CCDC18: variants seen among roughly 807,000 people sequenced by gnomAD.
CCDC18 encodes the protein coiled-coil domain-containing protein 18.
A neutral mutation model predicts 196.0 loss-of-function variants in CCDC18; 157 were observed. The observed-to-expected ratio is 0.80, with a 90% CI of 0.70 to 0.91. The LOEUF is 0.91. Among genes scored for constraint, CCDC18 ranks in the 40% least tolerant of loss-of-function variants. The probability of loss-of-function intolerance (pLI) is 0.00; values close to 1 mark genes in which losing one functional copy is unlikely to be tolerated. For synonymous variants in CCDC18, 482 were observed against 529.2 expected (o/e 0.91, Z 1.22); for missense variants, 1,465 against 1,611.6 (o/e 0.91, Z 1.56).
intron 17 of CCDC18, among the ~76,000 whole-genome samples, chr1:93,229,285 A>T (rs928774061): frequency 6.6e-6 from 1 of 152,242 alleles, no homozygotes; most frequent in African/African-American, 2.4e-5. Flanking sequence ...CATCTGTCAC[A>T]TGTTCATGTG....
At chr1:93,214,672 C>A in intron 11 of CCDC18, 71 bp from the exon 12 acceptor site, 1 of 1,065,166 alleles carries the variant, frequency 9.4e-7, no homozygotes, top group Non-Finnish European at 1.4e-6. Flanking sequence ...ATGACTAAAT[C>A]TTTCAACTAT....
intron 24 of CCDC18, among the ~76,000 whole-genome samples, chr1:93,255,390 G>A (rs1486515792): frequency 6.6e-6 from 1 of 152,142 alleles, no homozygotes; most frequent in African/African-American, 2.4e-5. Flanking sequence ...TCATCAGTAT[G>A]CATGTGTGTT....
At chr1:93,229,371 C>CA (rs1658892715) in intron 17 of CCDC18, among the ~76,000 whole-genome samples, 2 of 152,184 alleles carry the variant, frequency 1.3e-5, no homozygotes, top group Non-Finnish European at 2.9e-5. Flanking sequence ...TTATGTCTTA[C>CA]AGAGAAAATT....
intron 23 of CCDC18, among the ~76,000 whole-genome samples, chr1:93,252,089 G>A (rs147711943): frequency 6.6e-6 from 1 of 152,202 alleles, no homozygotes; most frequent in African/African-American, 2.4e-5. Flanking sequence ...CAGAGGTGGA[G>A]TGCAGTGGCA....
intron 21 of CCDC18, among the ~76,000 whole-genome samples, chr1:93,240,184 A>T (rs1660589296): frequency 2.6e-5 from 4 of 152,216 alleles, no homozygotes; most frequent in African/African-American, 9.6e-5. Context: ...TAATGATAAT[A>T]TTGTTCTTTG....
chr1:93,254,237 G>A (rs933386226), intron 23 of CCDC18, among the ~76,000 whole-genome samples: 7 of 152,132 alleles, frequency 4.6e-5, no homozygotes, highest in African/African-American at 1.7e-4. Flanking sequence ...GTCTGAGAGG[G>A]TGCAGGATTC....
intron 28 of CCDC18, among the ~76,000 whole-genome samples, chr1:93,275,769 T>C (rs915971070): frequency 6.6e-6 from 1 of 152,348 alleles, no homozygotes. Flanking sequence ...TTGCCCTAGC[T>C]ATCATCCTCT....
At chr1:93,232,150 G>A (rs935390124) in intron 17 of CCDC18, among the ~76,000 whole-genome samples, 6 of 152,168 alleles carry the variant, frequency 3.9e-5, no homozygotes, top group African/African-American at 1.4e-4. Context: ...ATGTTTCAGT[G>A]CCCCAGCCAG....
chr1:93,210,614 AT>A (rs1337501529), intron 9 of CCDC18, among the ~76,000 whole-genome samples, 187 bp from the exon 10 acceptor site: 2 of 152,098 alleles, frequency 1.3e-5, no homozygotes, highest in Non-Finnish European at 2.9e-5. Flanking sequence ...ACTCAGGTTT[AT>A]TTCTTTTAAC....
At chr1:93,258,960 A>G (rs1663413922) in intron 26 of CCDC18, 75 bp downstream of exon 26, 2 of 1,222,624 alleles carry the variant, frequency 1.6e-6, no homozygotes, top group Middle Eastern at 2.1e-4. Flanking sequence ...GTATGAGTCC[A>G]GCTCTTAAGT....
chr1:93,275,174 G>A (rs190206122), intron 28 of CCDC18, among the ~76,000 whole-genome samples: 41 of 152,158 alleles, frequency 2.7e-4, no homozygotes, highest in African/African-American at 9.2e-4. Context: ...GTAGTGGCAC[G>A]AGAGCTCACT....
Position 93,270,535 on chromosome 1 carries a change from T to C in CCDC18, c.4074T>C (p.Ser1358=). Residue 1358 remains serine (S), a synonymous_variant, in exon 28 of 29, where the codon AGT becomes AGC. Transcript: ENST00000690025. ...CTKLRRSISA[S]DLTFKIHGDE... Reference sequence around the variant, plus strand: ...AATTACGTCGCTCTATTAGTGCCAGTGATCTTACTTTCAAAATTCATGGTG... The same window carrying C: ...AATTACGTCGCTCTATTAGTGCCAGCGATCTTACTTTCAAAATTCATGGTG... 2 of 1,550,440 alleles carry C rather than the reference T, an allele frequency of 1.3e-6. No homozygotes were observed. The highest frequency in any genetic ancestry group is 1.7e-6 in the Non-Finnish European group (2 of 1,146,896).
rs376195242 is a variant in CCDC18 at position 93,207,417 on chromosome 1, G to A, written c.1209+19G>A. On this transcript the variant is annotated intron_variant, in intron 9 of 28. Transcript: ENST00000690025. ...GTTGCCAGTAAGTATGTGTGATTAC[G>A]TAATGGAAAAGAAGAATTTTACTAA... 30 of 1,511,170 alleles carry A rather than the reference G, an allele frequency of 2.0e-5. No individual in the cohort carries two copies. Among genetic ancestry groups the A allele is most frequent in the Middle Eastern group, 1.8e-4 (1 of 5,618 alleles). The allele number at this position is 1,511,170 out of a possible 1,614,324, so 93.6% of individuals were successfully genotyped here.
At chr1:93,271,586 G>C in intron 28 of CCDC18, 1 of 958,382 alleles carries the variant, frequency 1.0e-6, no homozygotes, top group South Asian at 4.8e-5. Flanking sequence ...TGCAATCCCA[G>C]CTATCCAGGA....
At chr1:93,212,968 G>A (rs1462067549) in intron 11 of CCDC18, among the ~76,000 whole-genome samples, 1 of 152,164 alleles carries the variant, frequency 6.6e-6, no homozygotes, top group Non-Finnish European at 1.5e-5. Flanking sequence ...ATGGCAGACA[G>A]TGACAGATCA....
At chr1:93,213,254 A>G (rs1655961855) in intron 11 of CCDC18, among the ~76,000 whole-genome samples, 1 of 151,936 alleles carries the variant, frequency 6.6e-6, no homozygotes, top group Non-Finnish European at 1.5e-5. Flanking sequence ...TGCAGTTAAG[A>G]TGCACCCATT....
At chr1:93,254,679 G>A (rs1662703211) in intron 24 of CCDC18, 65 bp downstream of exon 24, 6 of 1,451,020 alleles carry the variant, frequency 4.1e-6, no homozygotes, top group Non-Finnish European at 5.7e-6. Flanking sequence ...GAATCTTTAT[G>A]TTTTAAACTG....
In CCDC18 at chr1:93,205,610, A is replaced by G. The variant is rs769364443; in HGVS notation, c.896A>G (p.Glu299Gly). 17 of 1,592,710 alleles carry G rather than the reference A, an allele frequency of 1.1e-5. No individual in the cohort carries two copies. The African/African-American group carries it at 2.2e-4, about 20-fold the overall frequency. The change falls in exon 8 of 29, where the codon GAA (glutamate) becomes GGA (glycine). Residue 299 changes from glutamate to glycine, a missense_variant. By Grantham distance (98) the Glu-to-Gly change is moderately conservative. Transcript: ENST00000690025. ...TGTGGTCTATATAAAAGTGAACTTGAAATTCTGAAAGAGAAATTAAGGTAC... is the reference window on the plus strand; with the variant it reads ...TGTGGTCTATATAAAAGTGAACTTGGAATTCTGAAAGAGAAATTAAGGTAC... ...ERCGLYKSELEILKEKLRQLK... is the reference protein window; with the variant it reads ...ERCGLYKSELGILKEKLRQLK...
intron 10 of CCDC18, among the ~76,000 whole-genome samples, chr1:93,211,728 A>G (rs1655683858): frequency 6.6e-6 from 1 of 152,184 alleles, no homozygotes; most frequent in Non-Finnish European, 1.5e-5. Flanking sequence ...TAACAGTGTC[A>G]TAATTTATTT....
Sources: gnomAD v4.1 joint callset for allele counts (sites outside exome capture counted in the v4.1 genomes callset) on GRCh38, gnomAD v4.1.1 for gene constraint, MANE v1.5 for transcripts, NCBI Gene and HGNC (gene_info 2026-07-23, HGNC 2026-07-21) for gene names.